Variants in PHF21A observed in about 807,000 individuals in gnomAD.
The protein encoded by PHF21A is PHD finger protein 21A, also known as BHC80a.
Under a neutral mutation model 82.5 loss-of-function variants are expected in PHF21A, and 11 were observed. That is an observed-to-expected ratio of 0.13 (90% CI 0.08 to 0.22). The LOEUF (loss-of-function observed/expected upper bound fraction) is 0.22. PHF21A is among the 10% of genes least tolerant of loss of function. The pLI is 1.00. For synonymous variants in PHF21A, 297 were observed against 302.8 expected (o/e 0.98, Z 0.20); for missense variants, 579 against 837.8 (o/e 0.69, Z 3.81).
chr11:45,936,390 C>A, intron 17 of PHF21A, 104 bp downstream of exon 17: 1 of 732,806 alleles, frequency 1.4e-6, no homozygotes, highest in Non-Finnish European at 2.3e-6. Context: ...AAAAGGTTTT[C>A]ATTTTTAAAT....
intron 6 of PHF21A, among the ~76,000 whole-genome samples, chr11:45,990,911 C>T (rs1417336199): frequency 1.3e-5 from 2 of 152,168 alleles, no homozygotes; most frequent in East Asian, 3.8e-4. Context: ...ACAGTTTAAA[C>T]TAGTGTTCAC....
At chr11:45,970,173 T>C (rs1254387007) in intron 8 of PHF21A, 4 of 356,204 alleles carry the variant, frequency 1.1e-5, no homozygotes, top group Non-Finnish European at 1.0e-5. Context: ...GACAATTTTC[T>C]TTGACACTCA....
At position 45,981,392 on chromosome 11, in the gene PHF21A, C is replaced by CAA. The variant is rs59866051; in HGVS notation, c.154-1428_154-1427dup. Among the ~76,000 whole-genome samples, 121 of 60,276 alleles carry CAA rather than the reference C, an allele frequency of 2.0e-3. 3 individuals are homozygous for CAA. The highest frequency in any genetic ancestry group is 0.019 in the South Asian group (25 of 1,346). 39.5% of individuals were successfully genotyped at this position (60,276 alleles called of 152,430 possible). The stretch of plus-strand genomic sequence containing the variant: ...TGGGTGACAGAGTGAAACCCTGTCT[C>CAA]AAAAAAAAAAAAAAAAAAAAAAAAA... On this transcript the variant is annotated intron_variant, in intron 6 of 18. Coordinates refer to ENST00000676320, the MANE Select transcript of PHF21A (RefSeq NM_001352027.3).
At chr11:46,053,573 C>A (rs958116569) in intron 6 of PHF21A, among the ~76,000 whole-genome samples, 1 of 151,810 alleles carries the variant, frequency 6.6e-6, no homozygotes, top group African/African-American at 2.4e-5. Flanking sequence ...GTAAAAAGAA[C>A]CCCATGGCTC....
intron 6 of PHF21A, among the ~76,000 whole-genome samples, chr11:46,000,924 A>AAAATAAATAAAT (rs534848999): frequency 2.6e-5 from 4 of 151,664 alleles, no homozygotes; most frequent in Admixed American, 1.3e-4. Flanking sequence ...CCGTCTCAAA[A>AAAATAAATAAAT]AAATAAATAA....
At chr11:45,961,400 G>T (rs1243435035) in intron 10 of PHF21A, among the ~76,000 whole-genome samples, 1 of 152,188 alleles carries the variant, frequency 6.6e-6, no homozygotes, top group East Asian at 1.9e-4. Context: ...TGGTCACTTG[G>T]AACTATTTTC....
chr11:46,086,229 C>T (rs192553069), intron 3 of PHF21A, among the ~76,000 whole-genome samples: 3,816 of 152,054 alleles, frequency 0.025, 118 homozygotes, highest in African/African-American at 0.074. Flanking sequence ...TGCCATTCTC[C>T]TGCCTCAGCC....
chr11:46,043,325 G>T (rs1200962639), intron 6 of PHF21A, among the ~76,000 whole-genome samples: 1 of 152,228 alleles, frequency 6.6e-6, no homozygotes, highest in East Asian at 1.9e-4. Flanking sequence ...TGTGGAATTT[G>T]TTCAGAAACA....
At position 46,041,482 on chromosome 11, in the gene PHF21A, A is replaced by G. The variant is rs146386346; in HGVS notation, c.153+35272T>C. The stretch of plus-strand genomic sequence containing the variant: ...AATGTATATTGGGAAACTAAGGGGT[A>G]ATCTGAAAGTCAGAAGTCTCTTCAT... On this transcript the variant is annotated intron_variant, in intron 6 of 18. Transcript: ENST00000676320. Among the ~76,000 whole-genome samples the G allele has an allele frequency of 1.4e-4, 22 of 152,296 alleles. No homozygotes were observed. In the East Asian group the frequency reaches 4.1e-3, roughly 28 times the overall value.
chr11:45,978,702 A>T (rs939250804), intron 7 of PHF21A, among the ~76,000 whole-genome samples: 7 of 152,236 alleles, frequency 4.6e-5, no homozygotes, highest in Non-Finnish European at 2.9e-5. Flanking sequence ...AGGGATCTAT[A>T]GCTTTCAACA....
chr11:45,978,081 C>T (rs901087967), intron 7 of PHF21A, among the ~76,000 whole-genome samples: 10 of 152,034 alleles, frequency 6.6e-5, no homozygotes, highest in African/African-American at 2.2e-4. Flanking sequence ...GCGGGCAGAC[C>T]ACGAGGTCAG....
intron 6 of PHF21A, among the ~76,000 whole-genome samples, chr11:46,008,971 C>CTA (rs1555085196): frequency 9.0e-6 from 1 of 111,584 alleles, no homozygotes; most frequent in East Asian, 3.0e-4. Flanking sequence ...TCACATTTCA[C>CTA]TTTTTTTTTT....
At chr11:46,036,692 C>G (rs972344165) in intron 6 of PHF21A, among the ~76,000 whole-genome samples, 1 of 152,116 alleles carries the variant, frequency 6.6e-6, no homozygotes, top group African/African-American at 2.4e-5. Context: ...ACTGTTATTT[C>G]CTCACAGAGT....
At chr11:46,045,342 G>A (rs1316214615) in intron 6 of PHF21A, among the ~76,000 whole-genome samples, 1 of 152,120 alleles carries the variant, frequency 6.6e-6, no homozygotes, top group African/African-American at 2.4e-5. Flanking sequence ...CAAAGGAGAG[G>A]CTGAAAATAT....
chr11:46,032,332 T>C (rs559812884), intron 6 of PHF21A, among the ~76,000 whole-genome samples: 1 of 152,314 alleles, frequency 6.6e-6, no homozygotes, highest in Non-Finnish European at 1.5e-5. Flanking sequence ...TTTTTCTGAT[T>C]TTATATAACA....
chr11:46,002,332 T>C (rs1279104242), intron 6 of PHF21A, among the ~76,000 whole-genome samples: 2 of 152,220 alleles, frequency 1.3e-5, no homozygotes, highest in Non-Finnish European at 2.9e-5. Flanking sequence ...ATAACTAGAA[T>C]GCATAGTCCT....
intron 1 of PHF21A, among the ~76,000 whole-genome samples, chr11:46,094,404 G>C (rs558495303): frequency 1.3e-5 from 2 of 152,320 alleles, no homozygotes; most frequent in South Asian, 4.1e-4. Context: ...TCAGCTAGCT[G>C]ATAGTGAAGC....
intron 6 of PHF21A, among the ~76,000 whole-genome samples, chr11:46,060,727 C>T (rs1221964850): frequency 6.6e-6 from 1 of 152,182 alleles, no homozygotes; most frequent in Non-Finnish European, 1.5e-5. Flanking sequence ...AGACCTTTGT[C>T]AGATGCACAG....
At chr11:45,969,791 T>G in intron 9 of PHF21A, 24 bp downstream of exon 9, 828 of 1,483,512 alleles carry the variant, frequency 5.6e-4, no homozygotes, top group Non-Finnish European at 7.0e-4. Context: ...AACCTATCAT[T>G]GAGCTTGTCA....
Sources: allele counts gnomAD v4.1 joint callset (sites outside exome capture counted in the v4.1 genomes callset), GRCh38; gene constraint gnomAD v4.1.1; transcripts MANE v1.5; gene names NCBI Gene and HGNC (gene_info 2026-07-23, HGNC 2026-07-21).